The following APIP variants were observed in gnomAD, a reference collection of about 807,000 sequenced individuals.
APIP encodes methylthioribulose-1-phosphate dehydratase.
A neutral mutation model predicts 32.0 loss-of-function variants in APIP; 32 were observed. The ratio of observed to expected loss-of-function variants is 1.00; its 90% CI spans 0.76 to 1.34. The LOEUF is 1.34. Among genes scored for constraint, APIP ranks in the 40% most tolerant of loss-of-function variants. APIP has a pLI of 0.00. For synonymous variants in APIP, 92 were observed against 94.8 expected (o/e 0.97, Z 0.17); for missense variants, 247 against 298.6 (o/e 0.83, Z 1.27).
At chr11:34,883,632 G>C in intron 5 of APIP, 128 bp from the exon 6 acceptor site, 1 of 860,468 alleles carries the variant, frequency 1.2e-6, no homozygotes, top group Non-Finnish European at 1.8e-6. Flanking sequence ...TCCAAATTAT[G>C]AACAGGATGT....
intron 1 of APIP, among the ~76,000 whole-genome samples, chr11:34,896,093 G>A (rs1853264803): frequency 6.6e-6 from 1 of 152,166 alleles, no homozygotes; most frequent in Non-Finnish European, 1.5e-5. Flanking sequence ...TAAAAAGTCA[G>A]GAAACAATAG....
At chr11:34,906,667 A>G (rs1346579192) in intron 1 of APIP, among the ~76,000 whole-genome samples, 1 of 152,236 alleles carries the variant, frequency 6.6e-6, no homozygotes, top group Non-Finnish European at 1.5e-5. Context: ...GTACCTGTGC[A>G]CTTATAAATG....
At chr11:34,912,761 C>G (rs2956117) in intron 1 of APIP, among the ~76,000 whole-genome samples, 7 of 152,026 alleles carry the variant, frequency 4.6e-5, no homozygotes, top group Non-Finnish European at 8.8e-5. Flanking sequence ...TGGCTCTCCT[C>G]GCTCCTCAGC....
chr11:34,915,023 A>G (rs1437715288), intron 1 of APIP, among the ~76,000 whole-genome samples: 1 of 144,002 alleles, frequency 6.9e-6, no homozygotes, highest in East Asian at 2.0e-4. Flanking sequence ...AAAAAAAAAA[A>G]AAAGGTTGGC....
intron 1 of APIP, among the ~76,000 whole-genome samples, chr11:34,912,318 T>C (rs1295301194): frequency 6.6e-6 from 1 of 152,184 alleles, no homozygotes; most frequent in Non-Finnish European, 1.5e-5. Flanking sequence ...ATAATATGTG[T>C]TCAGAAAAGA....
In APIP at chr11:34,888,790, T is replaced by C. The variant is rs1853130898; in HGVS notation, c.287A>G (p.Gln96Arg). ...AGCATTCATGAAAAGAGGAGTACAC[T>C]GGCTTTTTTTTAGCTTCTTCGATGG... ...PSPSKKLKKS[Q>R]CTPLFMNAYT... The change falls in exon 4 of 7, where the codon CAG becomes CGG. Residue 96 changes from glutamine (Q) to arginine (R), a missense_variant. Physicochemically the swap from Gln to Arg is conservative, Grantham distance 43. Coordinates refer to ENST00000395787, the MANE Select transcript of APIP (RefSeq NM_015957.4). The C allele has an allele frequency of 6.6e-7, 1 of 1,519,768 alleles. No homozygotes were observed. The allele number at this position is 1,519,768 out of a possible 1,614,324, so 94.1% of individuals were successfully genotyped here.
chr11:34,910,184 C>A (rs527856540), intron 1 of APIP, among the ~76,000 whole-genome samples: 2 of 152,302 alleles, frequency 1.3e-5, no homozygotes, highest in South Asian at 4.1e-4. Flanking sequence ...TGCTCAATGC[C>A]AGCCCAAAGA....
At chr11:34,888,573 A>G (rs535567205) in intron 4 of APIP, 145 bp from the exon 5 acceptor site, 1 of 1,293,390 alleles carries the variant, frequency 7.7e-7, no homozygotes, top group Admixed American at 2.9e-5. Context: ...AGTAGGCAGG[A>G]GGGTAAGTGG....
intron 1 of APIP, among the ~76,000 whole-genome samples, chr11:34,903,379 C>T (rs942821868): frequency 6.6e-6 from 1 of 152,206 alleles, no homozygotes; most frequent in Non-Finnish European, 1.5e-5. Flanking sequence ...CACAAGTGCT[C>T]AATTAGCTGA....
At chr11:34,893,944 T>C (rs1853223394) in intron 2 of APIP, among the ~76,000 whole-genome samples, 1 of 152,160 alleles carries the variant, frequency 6.6e-6, no homozygotes, top group African/African-American at 2.4e-5. Context: ...TTAAAGAAAG[T>C]GAATTAGAAT....
rs1853674951 is a variant in APIP at position 34,916,059 on chromosome 11, T to C, written c.57+169A>G. The C allele has an allele frequency of 3.4e-6, 3 of 873,932 alleles. No individual in the cohort carries two copies. The South Asian group carries it at 5.3e-5, about 16-fold the overall frequency. 54.1% of individuals were successfully genotyped at this position (873,932 alleles called of 1,614,324 possible). ...CTGATCTCCTGGGGCCTCGCAGCCT[T>C]GCTTCCGAACGCCAAGGTCGCGGTG... On this transcript the variant is annotated intron_variant, in intron 1 of 6. Coordinates refer to ENST00000395787, the MANE Select transcript of APIP (RefSeq NM_015957.4).
intron 1 of APIP, among the ~76,000 whole-genome samples, chr11:34,895,757 C>CAGAT (rs140839): frequency 0.6 from 91,044 of 151,700 alleles, 28,339 homozygotes; most frequent in East Asian, 0.74. Context: ...TGTATACAGA[C>CAGAT]AGATAAATAT....
chr11:34,888,901 A>G, intron 3 of APIP, 32 bp from the exon 4 acceptor site: 1 of 1,273,614 alleles, frequency 7.9e-7, no homozygotes, highest in Non-Finnish European at 1.1e-6. Context: ...AGAAAAAAAG[A>G]AGGCTTGTAA....
intron 5 of APIP, among the ~76,000 whole-genome samples, chr11:34,887,206 CTCT>C (rs1265616643): frequency 1.9e-4 from 5 of 26,332 alleles, no homozygotes; most frequent in Non-Finnish European, 4.6e-4. Flanking sequence ...CAAAGACTCT[CTCT>C]TATGCCCTGT....
chr11:34,890,374 A>G (rs1853165880), intron 3 of APIP, 130 bp downstream of exon 3: 2 of 820,842 alleles, frequency 2.4e-6, no homozygotes, highest in Non-Finnish European at 3.7e-6. Flanking sequence ...TAATTACTCA[A>G]TAAATGTTTG....
chr11:34,916,338 G>A lies in APIP; in HGVS notation c.-54C>T, dbSNP rs747343062. 6.3e-7 allele frequency: 1 copy of A among 1,598,924 alleles called. No individual in the cohort carries two copies. The highest frequency in any genetic ancestry group is 1.1e-5 in the South Asian group (1 of 89,032). On this transcript the variant is annotated 5_prime_UTR_variant, in exon 1 of 7. Coordinates refer to ENST00000395787, the MANE Select transcript of APIP (RefSeq NM_015957.4). ...CAATCTCCGCACGGCTTTGCGCGCG[G>A]CGCTTAGCCTGGGATACGGCAGCGA...
At chr11:34,903,337 G>T (rs2133918344) in intron 1 of APIP, among the ~76,000 whole-genome samples, 1 of 152,308 alleles carries the variant, frequency 6.6e-6, no homozygotes, top group South Asian at 2.1e-4. Flanking sequence ...CACTCTAAAT[G>T]ACGTCACCAA....
At chr11:34,893,011 C>T (rs1853206222) in intron 2 of APIP, among the ~76,000 whole-genome samples, 1 of 152,148 alleles carries the variant, frequency 6.6e-6, no homozygotes, top group Non-Finnish European at 1.5e-5. Flanking sequence ...TGCCATGTGA[C>T]TGTGGCTCTT....
chr11:34,888,322 T>C lies in APIP; in HGVS notation c.432A>G (p.Ile144Met). The change falls in exon 5 of 7, where the codon ATA (isoleucine) becomes ATG (methionine). Residue 144 changes from isoleucine (I) to methionine (M), a missense_variant. Ile to Met is a conservative substitution (Grantham distance 10, BLOSUM62 1). Coordinates refer to ENST00000395787, the MANE Select transcript of APIP (RefSeq NM_015957.4). ...AATACCCTCCGGAAGTACATTTCTT[T>C]ATTCCTTTTATCATCTCTTGATGTG... is the stretch of plus-strand genomic sequence containing the variant. ...KITHQEMIKG[I>M]KKCTSGGYYR... 1.2e-6 allele frequency: 2 copies of C among 1,604,606 alleles called. No homozygotes were observed. Among genetic ancestry groups the C allele is most frequent in the Non-Finnish European group, 1.7e-6 (2 of 1,176,860 alleles).
Sources: allele counts gnomAD v4.1 joint callset (sites outside exome capture counted in the v4.1 genomes callset), GRCh38; gene constraint gnomAD v4.1.1; transcripts MANE v1.5; gene names NCBI Gene and HGNC (gene_info 2026-07-23, HGNC 2026-07-21).